Variants in TOM1L2 observed in about 807,000 individuals in gnomAD.
TOM1L2 encodes the protein TOM1-like protein 2.
In TOM1L2, 31 loss-of-function variants were observed where a neutral mutation model predicts 67.9. The observed-to-expected ratio is 0.46, with a 90% CI of 0.34 to 0.62. The LOEUF is 0.62. Ranked by LOEUF, TOM1L2 falls within the 20% of genes least tolerant of loss-of-function variation. TOM1L2 has a pLI of 0.01. For missense variants in TOM1L2, 606 were observed against 663.5 expected (o/e 0.91, Z 0.95); for synonymous variants, 256 against 254.0 (o/e 1.01, Z -0.07).
intron 3 of TOM1L2, among the ~76,000 whole-genome samples, chr17:17,895,818 A>C (rs1407762110): frequency 6.6e-6 from 1 of 152,198 alleles, no homozygotes; most frequent in Non-Finnish European, 1.5e-5. Context: ...TAACCCTGTA[A>C]GATGGGAATC....
chr17:17,937,360 G>A (rs2040551378), intron 1 of TOM1L2, among the ~76,000 whole-genome samples: 1 of 152,176 alleles, frequency 6.6e-6, no homozygotes, highest in African/African-American at 2.4e-5. Flanking sequence ...GGTAGCCTGT[G>A]TGCCAATATC....
intron 1 of TOM1L2, among the ~76,000 whole-genome samples, chr17:17,923,110 A>AGT (rs1301439588): frequency 1.3e-5 from 2 of 152,190 alleles, no homozygotes; most frequent in Admixed American, 6.5e-5. Flanking sequence ...TTAAAGCCAC[A>AGT]GTGTTGGCTG....
intron 1 of TOM1L2, among the ~76,000 whole-genome samples, chr17:17,943,122 A>G (rs1414258481): frequency 2.0e-5 from 3 of 152,294 alleles, no homozygotes; most frequent in Non-Finnish European, 4.4e-5. Flanking sequence ...CTCCCAATTC[A>G]TATCTATGCT....
At chr17:17,854,275 C>T (rs1234380092) in intron 12 of TOM1L2, among the ~76,000 whole-genome samples, 3 of 152,058 alleles carry the variant, frequency 2.0e-5, no homozygotes, top group East Asian at 1.9e-4. Flanking sequence ...TGTGGGAGGC[C>T]GAGGACGCGC....
At chr17:17,912,988 G>A (rs544320611) in intron 1 of TOM1L2, among the ~76,000 whole-genome samples, 8 of 152,284 alleles carry the variant, frequency 5.3e-5, no homozygotes, top group African/African-American at 1.9e-4. Context: ...GCTGGAGACC[G>A]GCCAGGCCAA....
chr17:17,880,838 CAG>C lies in TOM1L2; in HGVS notation c.661-1097_661-1096del. Reference sequence around the variant, plus strand: ...CGGCCCTTGTTCCTGCTCAAAGGTCCAGAGAGAGGAACTGTAATGTCATTCTT... The same window carrying C: ...CGGCCCTTGTTCCTGCTCAAAGGTCCAGAGAGGAACTGTAATGTCATTCTT... On this transcript the variant is annotated intron_variant, in intron 6 of 14. Coordinates refer to ENST00000379504, the MANE Select transcript of TOM1L2 (RefSeq NM_001082968.2). Among the ~76,000 whole-genome samples, 6 of 152,308 alleles carry C rather than the reference CAG, an allele frequency of 3.9e-5. 1 individual carries two copies. The highest frequency in any genetic ancestry group is 3.9e-4 in the Admixed American group (6 of 15,294).
At chr17:17,867,292 A>C (rs2036905336) in intron 8 of TOM1L2, among the ~76,000 whole-genome samples, 1 of 152,102 alleles carries the variant, frequency 6.6e-6, no homozygotes, top group Admixed American at 6.5e-5. Context: ...TTCAGGAGCA[A>C]CTAGCTAGTG....
intron 6 of TOM1L2, among the ~76,000 whole-genome samples, chr17:17,881,255 C>T (rs1439170776): frequency 6.6e-6 from 1 of 152,072 alleles, no homozygotes; most frequent in African/African-American, 2.4e-5. Flanking sequence ...GCTAGGAAGG[C>T]CCAGGAAGGC....
At chr17:17,878,027 CCCT>C (rs1162238820) in intron 7 of TOM1L2, among the ~76,000 whole-genome samples, 1 of 152,218 alleles carries the variant, frequency 6.6e-6, no homozygotes, top group Admixed American at 6.5e-5. Context: ...AGCAAATCCC[CCCT>C]GTCAGCAGGA....
chr17:17,947,665 C>T (rs1254255809), intron 1 of TOM1L2, among the ~76,000 whole-genome samples: 1 of 152,064 alleles, frequency 6.6e-6, no homozygotes, highest in Non-Finnish European at 1.5e-5. Flanking sequence ...TTATGGTAGC[C>T]CTAGCAAACG....
intron 1 of TOM1L2, among the ~76,000 whole-genome samples, chr17:17,957,461 C>T (rs1304495867): frequency 1.3e-5 from 2 of 152,082 alleles, no homozygotes; most frequent in African/African-American, 4.8e-5. Context: ...GGGAAGGGAC[C>T]TGAGGGAGCT....
At chr17:17,851,264 G>A (rs2035962423) in intron 12 of TOM1L2, 2 of 399,412 alleles carry the variant, frequency 5.0e-6, no homozygotes, top group Non-Finnish European at 9.4e-6. Flanking sequence ...TCACATTGCG[G>A]GGCCTCTCAG....
At chr17:17,881,620 T>C (rs562344320) in intron 6 of TOM1L2, among the ~76,000 whole-genome samples, 8 of 152,348 alleles carry the variant, frequency 5.3e-5, no homozygotes, top group African/African-American at 1.9e-4. Flanking sequence ...CTCTTCCATC[T>C]GCCTGTCAAG....
intron 1 of TOM1L2, among the ~76,000 whole-genome samples, chr17:17,948,976 G>C (rs1442010942): frequency 2.0e-5 from 3 of 152,174 alleles, no homozygotes; most frequent in African/African-American, 7.2e-5. Flanking sequence ...AAAGTTAAGA[G>C]TGCCAAGCAG....
intron 7 of TOM1L2, among the ~76,000 whole-genome samples, chr17:17,878,804 C>G (rs1474803641): frequency 1.3e-5 from 2 of 152,234 alleles, no homozygotes; most frequent in African/African-American, 4.8e-5. Flanking sequence ...CCTTCTTCCA[C>G]CCTCCAGAAG....
chr17:17,877,593 T>C (rs2037486422), intron 7 of TOM1L2, among the ~76,000 whole-genome samples: 2 of 152,124 alleles, frequency 1.3e-5, no homozygotes, highest in Admixed American at 6.5e-5. Flanking sequence ...ATGTCGGCAA[T>C]GGCGGAGGCG....
chr17:17,930,991 T>C (rs1177571076), intron 1 of TOM1L2, among the ~76,000 whole-genome samples: 1 of 152,228 alleles, frequency 6.6e-6, no homozygotes, highest in African/African-American at 2.4e-5. Context: ...AATAGCATAA[T>C]ATGGAATGTC....
chr17:17,875,338 C>T (rs896787966), intron 7 of TOM1L2, among the ~76,000 whole-genome samples: 2 of 151,992 alleles, frequency 1.3e-5, no homozygotes, highest in African/African-American at 4.8e-5. Context: ...CTTTTGCTAC[C>T]ACAGTGCCAG....
chr17:17,871,627 C>T (rs1170577796), intron 7 of TOM1L2, among the ~76,000 whole-genome samples: 2 of 152,156 alleles, frequency 1.3e-5, no homozygotes, highest in Non-Finnish European at 2.9e-5. Context: ...GCAGAGATTG[C>T]ACTACTGCAC....
Sources: gnomAD v4.1 joint callset for allele counts (sites outside exome capture counted in the v4.1 genomes callset) on GRCh38, gnomAD v4.1.1 for gene constraint, MANE v1.5 for transcripts, NCBI Gene and HGNC (gene_info 2026-07-23, HGNC 2026-07-21) for gene names.